RBX1: variants seen among roughly 807,000 people sequenced by gnomAD.
RBX1 encodes the protein ring-box 1, also known as E3 ubiquitin-protein ligase RBX1.
For synonymous variants in RBX1, 48 were observed against 47.9 expected (o/e 1.00, Z -0.01); for missense variants, 46 against 141.4 (o/e 0.33, Z 3.42).
At chr22:40,954,262 C>CA (rs1414885872) in intron 2 of RBX1, among the ~76,000 whole-genome samples, 1 of 125,000 alleles carries the variant, frequency 8.0e-6, no homozygotes, top group African/African-American at 2.7e-5. Context: ...CAGCAAGACT[C>CA]AAAGTCTCAA....
chr22:40,960,042 C>T (rs1479355448), intron 2 of RBX1, among the ~76,000 whole-genome samples: 2 of 151,848 alleles, frequency 1.3e-5, no homozygotes, highest in Admixed American at 6.6e-5. Context: ...AGCTGGAACC[C>T]GGGAGGTGGA....
intron 2 of RBX1, among the ~76,000 whole-genome samples, chr22:40,961,081 C>CTTTTTTTTTTTTTT (rs61092253): frequency 3.7e-5 from 4 of 107,666 alleles, no homozygotes; most frequent in African/African-American, 1.5e-4. Context: ...CGTGCCTGGC[C>CTTTTTTTTTTTTTT]TTTTTTTTTT....
intron 2 of RBX1, among the ~76,000 whole-genome samples, chr22:40,954,750 T>A (rs941784297): frequency 3.9e-5 from 6 of 151,926 alleles, no homozygotes; most frequent in African/African-American, 1.4e-4. Flanking sequence ...TTTTTTTTTT[T>A]AACTGACCAC....
chr22:40,961,604 C>A (rs1315386601), intron 2 of RBX1, among the ~76,000 whole-genome samples: 1 of 151,070 alleles, frequency 6.6e-6, no homozygotes, highest in Non-Finnish European at 1.5e-5. Flanking sequence ...TTAGTAGAAA[C>A]CATGTTAGCC....
At position 40,972,514 on chromosome 22, in the gene RBX1, A is replaced by C; in HGVS notation, c.*26A>C. On this transcript the variant is annotated 3_prime_UTR_variant, in exon 5 of 5. Transcript: ENST00000216225. Reference sequence around the variant, plus strand: ...GAAAAGACTTCTTCCATCAAGCTTAATTGTTTTGTTATTCATTTAATGACT... The same window carrying C: ...GAAAAGACTTCTTCCATCAAGCTTACTTGTTTTGTTATTCATTTAATGACT... 6.3e-7 allele frequency: 1 copy of C among 1,586,512 alleles called. No homozygotes were observed. Among genetic ancestry groups the C allele is most frequent in the South Asian group, 1.1e-5 (1 of 90,462 alleles).
chr22:40,963,159 C>A (rs2058345710), intron 2 of RBX1, among the ~76,000 whole-genome samples: 1 of 151,874 alleles, frequency 6.6e-6, no homozygotes, highest in Non-Finnish European at 1.5e-5. Context: ...CTATTTTTCA[C>A]CTGTAGTAGT....
chr22:40,959,631 G>C (rs1329772370), intron 2 of RBX1, among the ~76,000 whole-genome samples: 1 of 151,106 alleles, frequency 6.6e-6, no homozygotes, highest in Non-Finnish European at 1.5e-5. Context: ...GGCAACGTGG[G>C]GAAACCCCAT....
At chr22:40,964,019 A>C (rs1339780779) in intron 2 of RBX1, 28 bp from the exon 3 acceptor site, 1 of 1,592,334 alleles carries the variant, frequency 6.3e-7, no homozygotes, top group Non-Finnish European at 8.6e-7. Context: ...CCCAAGGTCC[A>C]GTGATCCTGT....
chr22:40,966,548 G>A (rs541990985), intron 3 of RBX1: 11 of 152,318 alleles, frequency 7.2e-5, no homozygotes, highest in Non-Finnish European at 1.6e-4. Flanking sequence ...AGAGTCAGCT[G>A]AAAAGGGATC....
intron 2 of RBX1, among the ~76,000 whole-genome samples, chr22:40,956,947 A>T (rs1474026382): frequency 6.6e-6 from 1 of 152,028 alleles, no homozygotes; most frequent in Non-Finnish European, 1.5e-5. Flanking sequence ...AGGCAGGAGA[A>T]TGGCGTGAAC....
At chr22:40,968,005 C>A in intron 4 of RBX1, 121 bp downstream of exon 4, 1 of 579,572 alleles carries the variant, frequency 1.7e-6, no homozygotes, top group Non-Finnish European at 3.2e-6. Context: ...TTTTTGGTTA[C>A]TTAAGCTAGG....
chr22:40,963,453 C>T (rs979232878), intron 2 of RBX1, among the ~76,000 whole-genome samples: 4 of 151,714 alleles, frequency 2.6e-5, no homozygotes, highest in Non-Finnish European at 5.9e-5. Context: ...CTGGCCAACA[C>T]GGAGAAACCC....
intron 4 of RBX1, among the ~76,000 whole-genome samples, chr22:40,971,665 T>C (rs1306816217): frequency 6.6e-6 from 1 of 152,172 alleles, no homozygotes; most frequent in East Asian, 1.9e-4. Flanking sequence ...GAAGCAGTTC[T>C]CTTGCCTCAG....
At chr22:40,962,247 A>G (rs907991221) in intron 2 of RBX1, among the ~76,000 whole-genome samples, 1 of 151,864 alleles carries the variant, frequency 6.6e-6, no homozygotes, top group Admixed American at 6.6e-5. Context: ...GATTGCAGAC[A>G]TGTACCACCA....
intron 4 of RBX1, 79 bp from the exon 5 acceptor site, chr22:40,972,397 T>A (rs2058371499): frequency 1.8e-6 from 2 of 1,109,602 alleles, no homozygotes; most frequent in Non-Finnish European, 1.4e-6. Context: ...CTAAAGTTGC[T>A]TATGTGTTTA....
chr22:40,963,946 C>G, intron 2 of RBX1, 101 bp from the exon 3 acceptor site: 1 of 836,344 alleles, frequency 1.2e-6, no homozygotes, highest in South Asian at 1.4e-5. Flanking sequence ...CATTAAAAAA[C>G]AATTATGGCT....
At chr22:40,964,138 G>A in intron 3 of RBX1, 21 bp downstream of exon 3, 4 of 1,571,110 alleles carry the variant, frequency 2.5e-6, no homozygotes, top group Non-Finnish European at 3.5e-6. Context: ...ATCTTTACCT[G>A]TCAGCATGGC....
At chr22:40,955,696 A>T (rs555911160) in intron 2 of RBX1, among the ~76,000 whole-genome samples, 157 of 152,328 alleles carry the variant, frequency 1.0e-3, no homozygotes, top group Middle Eastern at 6.8e-3. Flanking sequence ...TTTAGATCTT[A>T]TCTTAAACTT....
chr22:40,955,841 G>T (rs1270960437), intron 2 of RBX1, among the ~76,000 whole-genome samples: 4 of 152,178 alleles, frequency 2.6e-5, no homozygotes, highest in African/African-American at 9.7e-5. Context: ...CTACAGCCAA[G>T]GAAGATCAGC....
Sources: gnomAD v4.1 joint callset for allele counts (sites outside exome capture counted in the v4.1 genomes callset) on GRCh38, gnomAD v4.1.1 for gene constraint, MANE v1.5 for transcripts, NCBI Gene and HGNC (gene_info 2026-07-23, HGNC 2026-07-21) for gene names.